UBQLN1: variants seen among roughly 807,000 people sequenced by gnomAD.
The protein encoded by UBQLN1 is ubiquilin 1, also known as ubiquilin-1.
UBQLN1 carries 13 observed loss-of-function variants against 65.4 expected under a neutral mutation model. The observed-to-expected ratio is 0.20, with a 90% CI of 0.13 to 0.32. UBQLN1 has a LOEUF of 0.32. UBQLN1 is among the 10% of genes least tolerant of loss of function. UBQLN1 has a pLI of 1.00. For synonymous variants in UBQLN1, 267 were observed against 247.8 expected, an observed-to-expected ratio of 1.08 and a Z score of -0.73; for missense variants, 561 against 724.0, an observed-to-expected ratio of 0.77 and a Z score of 2.58.
chr9:83,705,973 G>GT (rs1832398322), intron 1 of UBQLN1, among the ~76,000 whole-genome samples: 2 of 151,980 alleles, frequency 1.3e-5, no homozygotes, highest in African/African-American at 4.8e-5. Context: ...GAAAGGCCAA[G>GT]TGACTGAAAT....
At chr9:83,678,884 A>AT (rs1278632461) in intron 4 of UBQLN1, among the ~76,000 whole-genome samples, 5 of 151,250 alleles carry the variant, frequency 3.3e-5, no homozygotes, top group East Asian at 1.9e-4. Flanking sequence ...CGCCCCGCTA[A>AT]TTTTTTTTTG....
Position 83,676,566 on chromosome 9 carries a change from T to C in UBQLN1, c.1105+1161A>G, listed in dbSNP as rs575609454. Among the ~76,000 whole-genome samples the C allele has an allele frequency of 1.4e-4, 22 of 152,334 alleles. No individual in the cohort carries two copies. In the South Asian group the frequency reaches 4.1e-3, roughly 29 times the overall value. On this transcript the variant is annotated intron_variant, in intron 6 of 10. Coordinates refer to ENST00000376395, the MANE Select transcript of UBQLN1 (RefSeq NM_013438.5). ...TTATTGATTTAAAAATGGTATTACTTCAGGTTTTACAAAACCTATATTATA... is the reference window on the plus strand; with the variant it reads ...TTATTGATTTAAAAATGGTATTACTCCAGGTTTTACAAAACCTATATTATA...
intron 1 of UBQLN1, among the ~76,000 whole-genome samples, chr9:83,695,192 C>T (rs1312354029): frequency 7.3e-6 from 1 of 136,684 alleles, no homozygotes; most frequent in Non-Finnish European, 1.5e-5. Context: ...CCTGAATGGG[C>T]CCTCCCACCT....
intron 6 of UBQLN1, 131 bp from the exon 7 acceptor site, chr9:83,669,458 A>G: frequency 1.2e-6 from 1 of 858,186 alleles, no homozygotes; most frequent in East Asian, 3.0e-5. Context: ...GTATCAACTG[A>G]ACTACGAAAG....
At chr9:83,669,502 G>A (rs972456803) in intron 6 of UBQLN1, among the ~76,000 whole-genome samples, 175 bp from the exon 7 acceptor site, 2 of 152,098 alleles carry the variant, frequency 1.3e-5, no homozygotes, top group African/African-American at 2.4e-5. Flanking sequence ...AAAAGTACAT[G>A]CCCAACATAT....
At chr9:83,690,436 G>A (rs1832107923) in intron 1 of UBQLN1, among the ~76,000 whole-genome samples, 1 of 152,182 alleles carries the variant, frequency 6.6e-6, no homozygotes, top group Admixed American at 6.5e-5. Flanking sequence ...AAGTTTGCAA[G>A]TGACTTCTTG....
At chr9:83,695,993 G>A (rs1334169892) in intron 1 of UBQLN1, among the ~76,000 whole-genome samples, 4 of 151,912 alleles carry the variant, frequency 2.6e-5, no homozygotes, top group South Asian at 4.2e-4. Flanking sequence ...AGGATAGAGT[G>A]CAGTCGCACG....
intron 4 of UBQLN1, 46 bp downstream of exon 4, chr9:83,679,729 A>T (rs1445232302): frequency 5.0e-6 from 8 of 1,584,408 alleles, no homozygotes; most frequent in Non-Finnish European, 6.9e-6. Context: ...TAAATAACAA[A>T]TATATCATTT....
chr9:83,663,805 C>A, intron 10 of UBQLN1, 70 bp downstream of exon 10: 5 of 1,524,824 alleles, frequency 3.3e-6, no homozygotes, highest in Non-Finnish European at 4.4e-6. Context: ...CTCCCTTTTT[C>A]CTTCTTTTTG....
intron 6 of UBQLN1, among the ~76,000 whole-genome samples, chr9:83,671,271 G>C (rs1831725814): frequency 6.6e-6 from 1 of 152,162 alleles, no homozygotes. Flanking sequence ...TTGATATTTT[G>C]ACATCCTCTC....
chr9:83,703,710 T>C (rs553917534), intron 1 of UBQLN1, among the ~76,000 whole-genome samples: 7 of 152,288 alleles, frequency 4.6e-5, no homozygotes, highest in African/African-American at 1.4e-4. Context: ...ACTCAGTTGA[T>C]TCTGAGTGCT....
intron 1 of UBQLN1, among the ~76,000 whole-genome samples, chr9:83,687,021 A>G (rs2131170779): frequency 6.6e-6 from 1 of 152,256 alleles, no homozygotes; most frequent in South Asian, 2.1e-4. Context: ...AATCTGTATT[A>G]TACTGACCAT....
At chr9:83,695,797 T>G (rs1390642279) in intron 1 of UBQLN1, among the ~76,000 whole-genome samples, 1 of 152,166 alleles carries the variant, frequency 6.6e-6, no homozygotes, top group Non-Finnish European at 1.5e-5. Context: ...ACACATATAT[T>G]TTCATGCCTA....
chr9:83,694,831 C>A (rs143717709), intron 1 of UBQLN1, among the ~76,000 whole-genome samples: 1,913 of 152,276 alleles, frequency 0.013, 15 homozygotes, highest in Non-Finnish European at 0.02. Context: ...AAACAATGTA[C>A]TGAAGCAGGT....
intron 7 of UBQLN1, chr9:83,668,718 G>A (rs1831682745): frequency 8.4e-6 from 7 of 837,294 alleles, no homozygotes; most frequent in South Asian, 5.5e-5. Flanking sequence ...GAAAGAAGGA[G>A]AACATTGTTC....
chr9:83,671,560 A>C (rs1043213092), intron 6 of UBQLN1, among the ~76,000 whole-genome samples: 1 of 152,146 alleles, frequency 6.6e-6, no homozygotes, highest in Non-Finnish European at 1.5e-5. Context: ...ACTGTCAATG[A>C]GCACTAATAT....
At chr9:83,705,899 T>A (rs1832396107) in intron 1 of UBQLN1, among the ~76,000 whole-genome samples, 1 of 151,976 alleles carries the variant, frequency 6.6e-6, no homozygotes. Flanking sequence ...CCATTTAATG[T>A]TAAGTTCTAA....
chr9:83,666,267 G>T, intron 8 of UBQLN1, 83 bp downstream of exon 8: 2 of 1,359,234 alleles, frequency 1.5e-6, no homozygotes, highest in Non-Finnish European at 2.1e-6. Context: ...CTATCAGCCA[G>T]AGAAGAGCAA....
intron 10 of UBQLN1, among the ~76,000 whole-genome samples, chr9:83,663,430 G>A (rs1305972479): frequency 6.6e-6 from 1 of 152,270 alleles, no homozygotes; most frequent in South Asian, 2.1e-4. Context: ...TACCGCAGGA[G>A]GTGGTGTCAT....
Sources: allele counts gnomAD v4.1 joint callset (sites outside exome capture counted in the v4.1 genomes callset), GRCh38; gene constraint gnomAD v4.1.1; transcripts MANE v1.5; gene names NCBI Gene and HGNC (gene_info 2026-07-23, HGNC 2026-07-21).